The following AKR1B15 variants were observed in gnomAD, a reference collection of about 807,000 sequenced individuals.
AKR1B15 encodes estradiol 17-beta-dehydrogenase AKR1B15.
In AKR1B15, 49 loss-of-function variants were observed where a neutral mutation model predicts 38.5. The observed-to-expected ratio is 1.27, with a 90% CI of 1.01 to 1.62. The LOEUF (loss-of-function observed/expected upper bound fraction) is 1.62. Among genes scored for constraint, AKR1B15 ranks in the 40% most tolerant of loss-of-function variants. AKR1B15 has a pLI of 0.00. For synonymous variants in AKR1B15, 137 were observed against 135.5 expected (o/e 1.01, Z -0.08); for missense variants, 411 against 381.6 (o/e 1.08, Z -0.64).
intron 6 of AKR1B15, 114 bp from the exon 7 acceptor site, chr7:134,575,306 C>T (rs571084916): frequency 1.4e-6 from 2 of 1,469,538 alleles, no homozygotes; most frequent in Admixed American, 2.6e-5. Context: ...AATGCTTCAG[C>T]TAACTCTGTT....
At chr7:134,562,034 A>C (rs1794409270) in intron 2 of AKR1B15, among the ~76,000 whole-genome samples, 1 of 152,042 alleles carries the variant, frequency 6.6e-6, no homozygotes, top group Non-Finnish European at 1.5e-5. Context: ...CCCAGGCTGG[A>C]GTGCAGTGGC....
intron 5 of AKR1B15, among the ~76,000 whole-genome samples, chr7:134,570,831 G>A (rs1585809942): frequency 6.6e-6 from 1 of 152,252 alleles, no homozygotes; most frequent in Non-Finnish European, 1.5e-5. Context: ...CACATGCCTG[G>A]GTTATCTTGC....
chr7:134,573,293 A>G (rs1794701825), intron 6 of AKR1B15: 1 of 881,186 alleles, frequency 1.1e-6, no homozygotes, highest in Non-Finnish European at 1.4e-6. Context: ...AGCCTCCCAA[A>G]GTGTTCAGAT....
chr7:134,574,879 A>T (rs1403048460), intron 6 of AKR1B15, among the ~76,000 whole-genome samples: 1 of 152,204 alleles, frequency 6.6e-6, no homozygotes, highest in Non-Finnish European at 1.5e-5. Flanking sequence ...ATTTATATGC[A>T]TGACCTTCTT....
chr7:134,577,874 G>A, intron 11 of AKR1B15, 88 bp downstream of exon 11: 1 of 1,437,204 alleles, frequency 7.0e-7, no homozygotes, highest in Non-Finnish European at 9.6e-7. Context: ...AGGTTGTTGG[G>A]ACTACTTGTG....
At chr7:134,573,284 G>C (rs1183065011) in intron 6 of AKR1B15, 4 of 813,100 alleles carry the variant, frequency 4.9e-6, no homozygotes, top group Non-Finnish European at 4.5e-6. Context: ...ACCCGTCTCA[G>C]CCTCCCAAAG....
intron 6 of AKR1B15, among the ~76,000 whole-genome samples, chr7:134,574,586 G>GAA (rs570668805): frequency 5.4e-4 from 83 of 152,304 alleles, no homozygotes; most frequent in Non-Finnish European, 9.3e-4. Context: ...CCAGAAGAAG[G>GAA]AAGCACATTG....
At chr7:134,573,818 G>A (rs1794710615) in intron 6 of AKR1B15, among the ~76,000 whole-genome samples, 1 of 152,122 alleles carries the variant, frequency 6.6e-6, no homozygotes, top group Middle Eastern at 3.2e-3. Context: ...AATCACCTGA[G>A]GAATTTAAAA....
In AKR1B15 at chr7:134,572,123, C is replaced by T. The variant is rs538776247; in HGVS notation, c.513+442C>T. Among the ~76,000 whole-genome samples the T allele has an allele frequency of 3.3e-5, 5 of 152,232 alleles. No individual in the cohort carries two copies. The South Asian group carries it at 6.2e-4, about 19-fold the overall frequency. Reference sequence around the variant, plus strand: ...GTGTGATAAAACTTAAGATGGTTTACGTGCCGGGAACATCAGTCATAAAGC... The same window carrying T: ...GTGTGATAAAACTTAAGATGGTTTATGTGCCGGGAACATCAGTCATAAAGC... On this transcript the variant is annotated intron_variant, in intron 6 of 11. Transcript: ENST00000457545.
chr7:134,562,959 TTCTG>T (rs1012463243), intron 2 of AKR1B15, among the ~76,000 whole-genome samples: 3 of 151,230 alleles, frequency 2.0e-5, no homozygotes, highest in Admixed American at 6.6e-5. Context: ...TTCTGTCTTT[TTCTG>T]TCTGTTTTCT....
At chr7:134,556,194 A>T (rs1036757355) in intron 1 of AKR1B15, among the ~76,000 whole-genome samples, 2 of 152,182 alleles carry the variant, frequency 1.3e-5, no homozygotes, top group African/African-American at 4.8e-5. Flanking sequence ...ACACCCAGAG[A>T]GAGTCGATTT....
chr7:134,565,745 C>A (rs1263498135), intron 3 of AKR1B15, among the ~76,000 whole-genome samples: 1 of 152,140 alleles, frequency 6.6e-6, no homozygotes, highest in East Asian at 1.9e-4. Context: ...GCTTTCCCAG[C>A]AGTGATGAGA....
At chr7:134,552,964 C>T (rs1585776715) in intron 1 of AKR1B15, among the ~76,000 whole-genome samples, 1 of 152,154 alleles carries the variant, frequency 6.6e-6, no homozygotes, top group Non-Finnish European at 1.5e-5. Context: ...TTATTGGCTA[C>T]TGAAACTACT....
chr7:134,560,633 C>A (rs73724977), intron 2 of AKR1B15, among the ~76,000 whole-genome samples: 2,945 of 152,240 alleles, frequency 0.019, 98 homozygotes, highest in African/African-American at 0.066. Flanking sequence ...TTTCTTTATT[C>A]TGTGCATCAC....
intron 1 of AKR1B15, among the ~76,000 whole-genome samples, chr7:134,552,239 T>A (rs368324487): frequency 1.4e-4 from 22 of 152,228 alleles, no homozygotes; most frequent in African/African-American, 4.6e-4. Context: ...CAAACTCACC[T>A]CATGTTAGGG....
intron 6 of AKR1B15, among the ~76,000 whole-genome samples, chr7:134,575,128 GGTGT>G (rs1187656792): frequency 6.6e-6 from 1 of 152,066 alleles, no homozygotes; most frequent in Non-Finnish European, 1.5e-5. Flanking sequence ...ATATTTCCAT[GGTGT>G]ATGGAACTAT....
chr7:134,553,965 T>C (rs1794092655), intron 1 of AKR1B15, among the ~76,000 whole-genome samples: 1 of 152,086 alleles, frequency 6.6e-6, no homozygotes, highest in Admixed American at 6.6e-5. Flanking sequence ...GAGGACTGAG[T>C]TGGTAACCCT....
At chr7:134,564,804 A>C in intron 3 of AKR1B15, 35 bp downstream of exon 3, 1 of 624,514 alleles carries the variant, frequency 1.6e-6, no homozygotes, top group Non-Finnish European at 2.9e-6. Flanking sequence ...CCAATTCCCA[A>C]CAGCAGTTGT....
At chr7:134,551,897 C>CT in intron 1 of AKR1B15, among the ~76,000 whole-genome samples, 1 of 152,306 alleles carries the variant, frequency 6.6e-6, no homozygotes, top group Non-Finnish European at 1.5e-5. Flanking sequence ...GCAGAGGAAT[C>CT]TGATGATTGA....
Sources: allele counts gnomAD v4.1 joint callset (sites outside exome capture counted in the v4.1 genomes callset), GRCh38; gene constraint gnomAD v4.1.1; transcripts MANE v1.5; gene names NCBI Gene and HGNC (gene_info 2026-07-23, HGNC 2026-07-21).